Variants in R3HDM1 observed in about 807,000 individuals in gnomAD.
The protein encoded by R3HDM1 is R3H domain-containing protein 1.
In R3HDM1, 46 loss-of-function variants were observed where a neutral mutation model predicts 141.1. The observed-to-expected ratio is 0.33, with a 90% confidence interval of 0.26 to 0.42. The LOEUF is 0.42. Among genes scored for constraint, R3HDM1 ranks in the 10% least tolerant of loss-of-function variants. R3HDM1 has a pLI of 1.00. For missense variants in R3HDM1, 1,184 were observed against 1,368.3 expected, an observed-to-expected ratio of 0.87 and a Z score of 2.12; for synonymous variants, 435 against 472.9, an observed-to-expected ratio of 0.92 and a Z score of 1.04.
chr2:135,595,262 C>G (rs1417535925), intron 1 of R3HDM1, among the ~76,000 whole-genome samples: 1 of 152,180 alleles, frequency 6.6e-6, no homozygotes, highest in Non-Finnish European at 1.5e-5. Context: ...CTACCTGCAC[C>G]TTCAGTGTGT....
At chr2:135,628,399 A>G (rs1044414994) in intron 7 of R3HDM1, among the ~76,000 whole-genome samples, 1 of 152,186 alleles carries the variant, frequency 6.6e-6, no homozygotes, top group Non-Finnish European at 1.5e-5. Flanking sequence ...TCTGCAATCT[A>G]TAGATGTACG....
At chr2:135,713,348 GT>G (rs1423615306) in intron 23 of R3HDM1, among the ~76,000 whole-genome samples, 1 of 152,202 alleles carries the variant, frequency 6.6e-6, no homozygotes. Context: ...CGTAGTAATA[GT>G]TTGGCAAAGA....
intron 24 of R3HDM1, among the ~76,000 whole-genome samples, chr2:135,718,150 T>G (rs184559320): frequency 9.9e-5 from 15 of 152,282 alleles, no homozygotes; most frequent in African/African-American, 3.6e-4. Context: ...TAATCTGTTA[T>G]GTTAAAAATC....
intron 21 of R3HDM1, among the ~76,000 whole-genome samples, chr2:135,706,347 G>T (rs1165506355): frequency 6.7e-6 from 1 of 149,866 alleles, no homozygotes; most frequent in Non-Finnish European, 1.5e-5. Flanking sequence ...TTTTTTTTTA[G>T]TTTACATATC....
intron 11 of R3HDM1, among the ~76,000 whole-genome samples, 192 bp downstream of exon 11, chr2:135,636,375 G>A (rs2063249445): frequency 6.6e-6 from 1 of 152,092 alleles, no homozygotes; most frequent in Non-Finnish European, 1.5e-5. Context: ...CATTGCAGTA[G>A]TTATATAAAA....
At chr2:135,583,407 T>C (rs1025262651) in intron 1 of R3HDM1, among the ~76,000 whole-genome samples, 1 of 152,236 alleles carries the variant, frequency 6.6e-6, no homozygotes, top group Non-Finnish European at 1.5e-5. Context: ...AAGGTTAGCC[T>C]GCATGATTAT....
In R3HDM1 at chr2:135,609,769, G is replaced by A. The variant is rs186724084; in HGVS notation, c.171+4753G>A. ...CAATTAGTCTAAATTAGCCTGGTGC[G>A]GTGGCACATGACTGTAATCCCAGCA... On this transcript the variant is annotated intron_variant, in intron 3 of 26. Transcript: ENST00000683871. Among the ~76,000 whole-genome samples the A allele has an allele frequency of 3.5e-4, 54 of 152,198 alleles. No individual in the cohort carries two copies. The East Asian group carries it at 7.1e-3, about 20-fold the overall frequency.
chr2:135,718,351 C>T (rs1321722891), intron 24 of R3HDM1, among the ~76,000 whole-genome samples: 1 of 152,142 alleles, frequency 6.6e-6, no homozygotes, highest in Non-Finnish European at 1.5e-5. Flanking sequence ...TTAATTATAT[C>T]TCAATTTCCT....
intron 21 of R3HDM1, among the ~76,000 whole-genome samples, chr2:135,682,362 T>C (rs1386014953): frequency 6.6e-6 from 1 of 152,132 alleles, no homozygotes. Flanking sequence ...TCACAATTTT[T>C]CACGTTTGTT....
chr2:135,688,636 A>G (rs141071539), intron 21 of R3HDM1, among the ~76,000 whole-genome samples: 1 of 152,282 alleles, frequency 6.6e-6, no homozygotes, highest in East Asian at 1.9e-4. Context: ...GTGTTTTGTT[A>G]TCAAGAAATA....
At chr2:135,584,967 C>G (rs1559171359) in intron 1 of R3HDM1, among the ~76,000 whole-genome samples, 1 of 152,164 alleles carries the variant, frequency 6.6e-6, no homozygotes, top group Non-Finnish European at 1.5e-5. Flanking sequence ...CATTTATACC[C>G]TTTGGCAAAA....
chr2:135,601,758 A>G (rs954387822), intron 1 of R3HDM1, among the ~76,000 whole-genome samples: 1 of 152,114 alleles, frequency 6.6e-6, no homozygotes, highest in African/African-American at 2.4e-5. Context: ...GTAACCCCCA[A>G]CTAAAGCTAT....
chr2:135,553,458 G>C (rs1700173322), intron 1 of R3HDM1, among the ~76,000 whole-genome samples: 1 of 152,186 alleles, frequency 6.6e-6, no homozygotes, highest in African/African-American at 2.4e-5. Context: ...ACCATGGAAA[G>C]AGGAGTAGGA....
At chr2:135,718,372 C>T (rs1036963036) in intron 24 of R3HDM1, among the ~76,000 whole-genome samples, 1 of 152,152 alleles carries the variant, frequency 6.6e-6, no homozygotes, top group African/African-American at 2.4e-5. Context: ...TAAAAACTTA[C>T]ACACACACAT....
Position 135,567,962 on chromosome 2 carries a change from G to T in R3HDM1, c.-249-34538G>T, listed in dbSNP as rs980844635. On this transcript the variant is annotated intron_variant, in intron 1 of 26. Coordinates refer to ENST00000683871, the MANE Select transcript of R3HDM1 (RefSeq NM_001378107.1). ...AGATAGGATCTTACTCTTTTGACCA[G>T]CCTGGTCTCGAACTCCTGGCCTAAA... Among the ~76,000 whole-genome samples, 8 of 136,738 alleles carry T rather than the reference G, an allele frequency of 5.9e-5. No homozygotes were observed. The East Asian group carries it at 1.8e-3, about 30-fold the overall frequency. The allele number at this position is 136,738 out of a possible 152,430, so 89.7% of individuals were successfully genotyped here.
chr2:135,597,236 T>C (rs2059266662), intron 1 of R3HDM1: 1 of 979,156 alleles, frequency 1.0e-6, no homozygotes, highest in Non-Finnish European at 1.2e-6. Context: ...AACCTCTTCA[T>C]GGTTTAACGA....
At chr2:135,668,548 G>C (rs1218075188) in intron 19 of R3HDM1, among the ~76,000 whole-genome samples, 1 of 152,192 alleles carries the variant, frequency 6.6e-6, no homozygotes, top group African/African-American at 2.4e-5. Context: ...AGTTGTGTTA[G>C]TTTAGAACAG....
At chr2:135,631,643 A>C in intron 7 of R3HDM1, 75 bp from the exon 8 acceptor site, 2 of 1,267,548 alleles carry the variant, frequency 1.6e-6, no homozygotes, top group Non-Finnish European at 1.1e-6. Context: ...TAGCTGTATA[A>C]ATCATAGGCT....
rs547418846 is a variant in R3HDM1, at chr2:135,698,883, T to C, written c.2460-10550T>C. 3.1e-3 allele frequency among the ~76,000 whole-genome samples: 478 copies of C among 152,198 alleles called. 4 individuals carry two copies. Among genetic ancestry groups the C allele is most frequent in the African/African-American group, 0.011 (456 of 41,524 alleles). On this transcript the variant is annotated intron_variant, in intron 21 of 26. Coordinates refer to ENST00000683871, the MANE Select transcript of R3HDM1 (RefSeq NM_001378107.1). The stretch of plus-strand genomic sequence containing the variant: ...GCTAAACCATTAGAAACCACCTCCA[T>C]GATCCAGTCACCTCCCAGCAGGCCC...
Sources: gnomAD v4.1 joint callset for allele counts (sites outside exome capture counted in the v4.1 genomes callset) on GRCh38, gnomAD v4.1.1 for gene constraint, MANE v1.5 for transcripts, NCBI Gene and HGNC (gene_info 2026-07-23, HGNC 2026-07-21) for gene names.